The following CPAMD8 variants were observed in gnomAD, a reference collection of about 807,000 sequenced individuals.
The protein encoded by CPAMD8 is C3 and PZP like alpha-2-macroglobulin domain containing 8, also known as C3 and PZP-like alpha-2-macroglobulin domain-containing protein 8.
CPAMD8 carries 146 observed loss-of-function variants against 224.7 expected under a neutral mutation model. The ratio of observed to expected loss-of-function variants is 0.65; its 90% CI spans 0.57 to 0.75. The LOEUF (loss-of-function observed/expected upper bound fraction) is 0.75, where lower values mean the gene tolerates loss of function less well. Among genes scored for constraint, CPAMD8 ranks in the 30% least tolerant of loss-of-function variants. The pLI is 0.00. For missense variants in CPAMD8, 2,301 were observed against 2,537.5 expected (o/e 0.91, Z 2.00); for synonymous variants, 966 against 1,044.6 (o/e 0.92, Z 1.45).
intron 23 of CPAMD8, among the ~76,000 whole-genome samples, chr19:16,929,614 C>A (rs570422983): frequency 6.6e-6 from 1 of 152,102 alleles, no homozygotes; most frequent in East Asian, 1.9e-4. Flanking sequence ...GCAGGAGGAT[C>A]GCTTGAGCCC....
intron 10 of CPAMD8, 95 bp downstream of exon 10, chr19:17,000,319 A>G: frequency 3.2e-6 from 2 of 621,080 alleles, no homozygotes. Context: ...CAGTAAATAA[A>G]ATAATAACAA....
intron 8 of CPAMD8, among the ~76,000 whole-genome samples, chr19:17,003,933 GTC>G (rs2056410024): frequency 6.7e-6 from 1 of 150,152 alleles, no homozygotes; most frequent in Non-Finnish European, 1.5e-5. Context: ...TTGAGACAGA[GTC>G]TCGCCCTGTC....
chr19:17,002,681 T>C (rs2056366646), intron 8 of CPAMD8, among the ~76,000 whole-genome samples: 1 of 151,996 alleles, frequency 6.6e-6, no homozygotes, highest in Admixed American at 6.6e-5. Context: ...GTGCATGGGA[T>C]AGAGGTGGCC....
chr19:16,989,593 G>T (rs2055865453), intron 13 of CPAMD8, 50 bp downstream of exon 13: 1 of 1,588,536 alleles, frequency 6.3e-7, no homozygotes, highest in South Asian at 1.1e-5. Context: ...GGCTCATGCT[G>T]CTTTTTGGAT....
At chr19:17,003,211 T>G (rs1599886561) in intron 8 of CPAMD8, among the ~76,000 whole-genome samples, 1 of 151,708 alleles carries the variant, frequency 6.6e-6, no homozygotes, top group Non-Finnish European at 1.5e-5. Flanking sequence ...CCACCTTTTT[T>G]TTTTTCTGAG....
chr19:16,990,863 C>CAAAAAAAAAAAAAAAAAA (rs3067791), intron 12 of CPAMD8, among the ~76,000 whole-genome samples: 47 of 73,138 alleles, frequency 6.4e-4, no homozygotes, highest in Admixed American at 8.2e-4. Flanking sequence ...AACTCTGTCT[C>CAAAAAAAAAAAAAAAAAA]AAAAAAAAAA....
intron 19 of CPAMD8, 132 bp from the exon 20 acceptor site, chr19:16,952,332 G>A: frequency 3.1e-6 from 2 of 639,884 alleles, no homozygotes; most frequent in Admixed American, 2.9e-5. Context: ...AAGCATTGAA[G>A]GCATCACAAA....
chr19:16,906,080 A>G (rs1226570127), intron 30 of CPAMD8, among the ~76,000 whole-genome samples: 1 of 151,816 alleles, frequency 6.6e-6, no homozygotes, highest in African/African-American at 2.4e-5. Flanking sequence ...CTCTCTGAGA[A>G]CTCCCCTTCC....
chr19:17,026,624 A>G lies in CPAMD8; in HGVS notation c.19T>C (p.Trp7Arg). The change falls in exon 1 of 42, where the codon TGG becomes CGG. Residue 7 changes from tryptophan (W) to arginine (R), a missense_variant. Trp to Arg is a moderately radical substitution (Grantham distance 101). Around this residue, in one of 4 missense-constraint regions of CPAMD8, gnomAD observed 283 missense variants for 340.6 expected, o/e 0.83. Coordinates refer to ENST00000443236, the MANE Select transcript of CPAMD8 (RefSeq NM_015692.5). MSGALL[W>R]PLLPLLLLLL... Reference sequence around the variant, plus strand: ...AGGAGCAGGAGCGGGAGCAACGGCCAGAGCAGGGCGCCGCTCATTTTTCGG... The same window carrying G: ...AGGAGCAGGAGCGGGAGCAACGGCCGGAGCAGGGCGCCGCTCATTTTTCGG... 2 of 1,483,404 alleles carry G rather than the reference A, an allele frequency of 1.3e-6. No homozygotes were observed. Among genetic ancestry groups the G allele is most frequent in the South Asian group, 1.3e-5 (1 of 79,324 alleles). 91.9% of individuals were successfully genotyped at this position (1,483,404 alleles called of 1,614,324 possible). A position where few individuals can be genotyped will look rare whatever the true frequency, so the allele number is the denominator to read the frequency against.
At position 16,975,272 on chromosome 19, in the gene CPAMD8, G is replaced by A. The variant is rs1395322292; in HGVS notation, c.1909-14C>T. ...TTCCTGGAAAACCTGCAGGCAAAGGGGGACAGAGACTTGTCAGCTGAAGTT... is the reference window on the plus strand; with the variant it reads ...TTCCTGGAAAACCTGCAGGCAAAGGAGGACAGAGACTTGTCAGCTGAAGTT... On this transcript the variant is annotated splice_polypyrimidine_tract_variant and intron_variant, in intron 16 of 41. Transcript: ENST00000443236. 1.9e-6 allele frequency: 3 copies of A among 1,593,488 alleles called. No individual in the cohort carries two copies. Among genetic ancestry groups the A allele is most frequent in the East Asian group, 2.3e-5 (1 of 44,234 alleles).
At chr19:16,914,171 C>G (rs747836037) in intron 29 of CPAMD8, among the ~76,000 whole-genome samples, 7 of 152,184 alleles carry the variant, frequency 4.6e-5, no homozygotes, top group Non-Finnish European at 1.0e-4. Context: ...AGGCTCTGTA[C>G]TCAGGGCACC....
chr19:16,976,530 C>T (rs2055279303), intron 15 of CPAMD8, among the ~76,000 whole-genome samples: 1 of 152,034 alleles, frequency 6.6e-6, no homozygotes, highest in Non-Finnish European at 1.5e-5. Context: ...AGTCCAGAGG[C>T]ATCTCTTCTG....
chr19:16,953,791 G>A (rs2054376364), intron 19 of CPAMD8, among the ~76,000 whole-genome samples: 1 of 151,866 alleles, frequency 6.6e-6, no homozygotes, highest in Non-Finnish European at 1.5e-5. Context: ...AACAAAAACA[G>A]CAACATGATT....
intron 19 of CPAMD8, among the ~76,000 whole-genome samples, chr19:16,953,339 CAAAA>C (rs80093904): frequency 2.1e-5 from 2 of 94,368 alleles, no homozygotes; most frequent in African/African-American, 4.2e-5. Context: ...AAGGTACAAG[CAAAA>C]AAAAAAAAAA....
intron 11 of CPAMD8, among the ~76,000 whole-genome samples, chr19:16,996,745 G>A (rs1016132978): frequency 1.5e-4 from 23 of 151,526 alleles, no homozygotes; most frequent in African/African-American, 5.3e-4. Context: ...CTTGAACCTG[G>A]GAGACGGAGG....
intron 32 of CPAMD8, 56 bp from the exon 33 acceptor site, chr19:16,903,913 C>T: frequency 6.5e-7 from 1 of 1,546,922 alleles, no homozygotes; most frequent in African/African-American, 1.4e-5. Context: ...GCCAGTGGTC[C>T]CCTGAACCCC....
At chr19:16,991,853 T>A (rs1346132633) in intron 12 of CPAMD8, among the ~76,000 whole-genome samples, 2 of 104,824 alleles carry the variant, frequency 1.9e-5, no homozygotes, top group Non-Finnish European at 4.2e-5. Context: ...AGACTCTGTA[T>A]CAAAAAAAAA....
At position 16,898,024 on chromosome 19, in the gene CPAMD8, C is replaced by A. The variant is rs2052099032; in HGVS notation, c.4849-30G>T. ...GGGGCAGCGGCGGGCGCAGGCTCGACCCGGGCCAGGAGGCCCGGGGCGCTG... is the reference window on the plus strand; with the variant it reads ...GGGGCAGCGGCGGGCGCAGGCTCGAACCGGGCCAGGAGGCCCGGGGCGCTG... On this transcript the variant is annotated intron_variant, in intron 37 of 41. Coordinates refer to ENST00000443236, the MANE Select transcript of CPAMD8 (RefSeq NM_015692.5). This position sits in a 1 kb window ranked among gnomAD's most constrained non-coding sequence, Gnocchi z 4.2. The A allele has an allele frequency of 6.4e-7, 1 of 1,567,690 alleles. No homozygotes were observed. The highest frequency in any genetic ancestry group is 1.8e-5 in the Admixed American group (1 of 54,798).
rs543779792 is a variant in CPAMD8, at chr19:17,005,339, C to A, written c.560-953G>T. On this transcript the variant is annotated intron_variant, in intron 7 of 41. Transcript: ENST00000443236. Reference sequence around the variant, plus strand: ...AAGTCCTGACAAGCCAAAATGTCCCCAGACATTGCCATGTCCCCTGGGGGC... The same window carrying A: ...AAGTCCTGACAAGCCAAAATGTCCCAAGACATTGCCATGTCCCCTGGGGGC... 2.0e-5 allele frequency among the ~76,000 whole-genome samples: 3 copies of A among 152,264 alleles called. No individual in the cohort carries two copies. In the East Asian group the frequency reaches 5.8e-4, roughly 29 times the overall value.
Sources: allele counts gnomAD v4.1 joint callset (sites outside exome capture counted in the v4.1 genomes callset), GRCh38; gene constraint gnomAD v4.1.1; regional missense constraint gnomAD v4.1.1; non-coding constraint Gnocchi (gnomAD v3.1); transcripts MANE v1.5; gene names NCBI Gene and HGNC (gene_info 2026-07-23, HGNC 2026-07-21).